The following OR51E1 variants were observed in gnomAD, a reference collection of about 807,000 sequenced individuals.
The protein encoded by OR51E1 is olfactory receptor 51E1.
A neutral mutation model predicts 11.5 loss-of-function variants in OR51E1; 9 were observed. The ratio of observed to expected loss-of-function variants is 0.78; its 90% CI spans 0.47 to 1.37. The LOEUF is 1.37. Among genes scored for constraint, OR51E1 ranks in the 40% most tolerant of loss-of-function variants. The probability of loss-of-function intolerance (pLI) is 0.00; values close to 1 mark genes in which losing one functional copy is unlikely to be tolerated. For missense variants in OR51E1, 397 were observed against 410.2 expected, an observed-to-expected ratio of 0.97 and a Z score of 0.28; for synonymous variants, 168 against 158.3, an observed-to-expected ratio of 1.06 and a Z score of -0.46.
At chr11:4,649,605 T>C (rs950806506) in intron 1 of OR51E1, among the ~76,000 whole-genome samples, 1 of 152,094 alleles carries the variant, frequency 6.6e-6, no homozygotes, top group Admixed American at 6.5e-5. Context: ...TTCAAGGGTA[T>C]TTTTTAAAAT....
intron 1 of OR51E1, among the ~76,000 whole-genome samples, chr11:4,646,458 T>A (rs1847031653): frequency 6.6e-6 from 1 of 152,198 alleles, no homozygotes. Flanking sequence ...GGGCAGTAGC[T>A]TGGCCTACTG....
chr11:4,655,334 A>G lies in OR51E1; in HGVS notation c.*1851A>G, dbSNP rs1463811554. The G allele has an allele frequency of 1.8e-5, 3 of 167,108 alleles. No individual in the cohort carries two copies. Among genetic ancestry groups the G allele is most frequent in the Non-Finnish European group, 2.9e-5 (2 of 68,130 alleles). 10.4% of individuals were successfully genotyped at this position (167,108 alleles called of 1,614,324 possible). On this transcript the variant is annotated 3_prime_UTR_variant, in exon 2 of 2. Transcript: ENST00000396952. ...ATGTTGACATTAAATGTGACTTGGG[A>G]AGCTATGTGTTACACAGAGTAAATC...
Position 4,653,078 on chromosome 11 carries a change from C to G in OR51E1, c.552C>G (p.His184Gln). 7 of 1,614,086 alleles carry G rather than the reference C, an allele frequency of 4.3e-6. No homozygotes were observed. Among genetic ancestry groups the G allele is most frequent in the Non-Finnish European group, 5.9e-6 (7 of 1,179,946 alleles). Residue 184 changes from histidine to glutamine, a missense_variant, in exon 2 of 2, where the codon CAC (histidine) becomes CAG (glutamine). By Grantham distance (24) the His-to-Gln change is conservative. Coordinates refer to ENST00000396952, the MANE Select transcript of OR51E1 (RefSeq NM_152430.4). ...TCCTTTCCCATTCCTACTGCCTACA[C>G]CAAGATGTCATGAAGCTGGCCTGTG... Reference protein sequence around the residue: ...SNILSHSYCLHQDVMKLACDD... With the variant: ...SNILSHSYCLQQDVMKLACDD...
chr11:4,649,655 G>A (rs952099925), intron 1 of OR51E1, among the ~76,000 whole-genome samples: 3 of 152,160 alleles, frequency 2.0e-5, no homozygotes, highest in Non-Finnish European at 4.4e-5. Flanking sequence ...AGATTGTTGG[G>A]ACTTTGTGGA....
intron 1 of OR51E1, among the ~76,000 whole-genome samples, chr11:4,645,304 A>G (rs567261056): frequency 1.3e-5 from 2 of 152,262 alleles, no homozygotes. Flanking sequence ...CCACCCCATT[A>G]ACTGCCTGTG....
At position 4,649,166 on chromosome 11, in the gene OR51E1, G is replaced by A. The variant is rs552440967; in HGVS notation, c.-39-3322G>A. Among the ~76,000 whole-genome samples the A allele has an allele frequency of 1.5e-4, 23 of 152,040 alleles. 1 individual carries two copies. In the East Asian group the frequency reaches 1.9e-3, roughly 13 times the overall value. ...GGTGTTCAGGAGCTCATAATTCAGG[G>A]GAAAATATAGCAATAATTATAGTTA... is the stretch of plus-strand genomic sequence containing the variant. On this transcript the variant is annotated intron_variant, in intron 1 of 1. Coordinates refer to ENST00000396952, the MANE Select transcript of OR51E1 (RefSeq NM_152430.4).
In OR51E1 at chr11:4,653,050, A is replaced by G; in HGVS notation, c.524A>G (p.Asn175Ser). ...AAGCAGCTGCCCTTCTGCCGCTCCA[A>G]TATCCTTTCCCATTCCTACTGCCTA... is the stretch of plus-strand genomic sequence containing the variant. Reference protein sequence around the residue: ...FIKQLPFCRSNILSHSYCLHQ... With the variant: ...FIKQLPFCRSSILSHSYCLHQ... The change falls in exon 2 of 2, where the codon AAT becomes AGT. Residue 175 changes from asparagine (N) to serine (S), a missense_variant. Coordinates refer to ENST00000396952, the MANE Select transcript of OR51E1 (RefSeq NM_152430.4). 3 of 1,613,510 alleles carry G rather than the reference A, an allele frequency of 1.9e-6. No individual in the cohort carries two copies. Among genetic ancestry groups the G allele is most frequent in the Non-Finnish European group, 2.5e-6 (3 of 1,179,656 alleles).
intron 1 of OR51E1, among the ~76,000 whole-genome samples, chr11:4,644,424 A>T (rs568693571): frequency 6.6e-6 from 1 of 151,990 alleles, no homozygotes; most frequent in East Asian, 1.9e-4. Context: ...GTTGAAGCTC[A>T]GTCTATGACT....
In OR51E1 at chr11:4,653,684, TACCCTG is replaced by T. The variant is rs1847134830; in HGVS notation, c.*204_*209del. ...TTTTCTTGCTACATATAATTATTAATACCCTGACTAGGTTGTGGTTGGAGGGTTATT... is the reference window on the plus strand; with the variant it reads ...TTTTCTTGCTACATATAATTATTAATACTAGGTTGTGGTTGGAGGGTTATT... On this transcript the variant is annotated 3_prime_UTR_variant, in exon 2 of 2. Coordinates refer to ENST00000396952, the MANE Select transcript of OR51E1 (RefSeq NM_152430.4). 5 of 519,150 alleles carry T rather than the reference TACCCTG, an allele frequency of 9.6e-6. No individual in the cohort carries two copies. In the South Asian group the frequency reaches 1.4e-4, roughly 15 times the overall value. 32.2% of individuals were successfully genotyped at this position (519,150 alleles called of 1,614,324 possible).
In OR51E1 at chr11:4,652,728, A is replaced by G. The variant is rs761905540; in HGVS notation, c.202A>G (p.Met68Val). The change falls in exon 2 of 2, where the codon ATG becomes GTG. Residue 68 changes from methionine to valine, a missense_variant. Coordinates refer to ENST00000396952, the MANE Select transcript of OR51E1 (RefSeq NM_152430.4). ...LHEPMYIFLC[M>V]LSGIDILIST... ...TGAGCCCATGTATATATTTCTTTGC[A>G]TGCTTTCAGGCATTGACATCCTCAT... is the stretch of plus-strand genomic sequence containing the variant. The G allele has an allele frequency of 3.1e-6, 5 of 1,614,036 alleles. No homozygotes were observed. Among genetic ancestry groups the G allele is most frequent in the African/African-American group, 1.3e-5 (1 of 74,922 alleles).
intron 1 of OR51E1, among the ~76,000 whole-genome samples, chr11:4,649,371 A>C (rs1411398584): frequency 6.6e-6 from 1 of 152,114 alleles, no homozygotes; most frequent in Non-Finnish European, 1.5e-5. Context: ...ATCTGGGAGG[A>C]ACAGTTTTTC....
rs549241325 is a variant in OR51E1, at chr11:4,653,004, G to T, written c.478G>T (p.Ala160Ser). The T allele has an allele frequency of 6.2e-7, 1 of 1,605,636 alleles. No individual in the cohort carries two copies. Among genetic ancestry groups the T allele is most frequent in the African/African-American group, 1.3e-5 (1 of 74,954 alleles). ...AAVVRGAALM[A>S]PLPVFIKQLP... is the part of the protein sequence containing the mutation. ...TGTGGTGCGGGGGGCTGCACTGATG[G>T]CACCCCTTCCTGTCTTCATCAAGCA... Residue 160 changes from alanine (A) to serine (S), a missense_variant, in exon 2 of 2, where the codon GCA becomes TCA. By Grantham distance (99) the Ala-to-Ser change is moderately conservative. Transcript: ENST00000396952.
At chr11:4,650,125 A>G (rs1373810442) in intron 1 of OR51E1, among the ~76,000 whole-genome samples, 3 of 152,200 alleles carry the variant, frequency 2.0e-5, no homozygotes, top group Non-Finnish European at 2.9e-5. Context: ...CGAATTATGA[A>G]CCTGGATTAC....
chr11:4,648,385 C>A (rs1847054108), intron 1 of OR51E1, among the ~76,000 whole-genome samples: 1 of 152,164 alleles, frequency 6.6e-6, no homozygotes, highest in African/African-American at 2.4e-5. Flanking sequence ...TTTTCAGAGA[C>A]CTTGTTGCCC....
chr11:4,648,018 G>C (rs1011477350), intron 1 of OR51E1, among the ~76,000 whole-genome samples: 4 of 152,078 alleles, frequency 2.6e-5, no homozygotes, highest in African/African-American at 9.7e-5. Context: ...TCTCGTGGAG[G>C]GACTGTTGAA....
In OR51E1 at chr11:4,653,487, T is replaced by A. The variant is rs772759388; in HGVS notation, c.*4T>A. The A allele has an allele frequency of 3.2e-6, 5 of 1,540,602 alleles. 1 individual carries two copies. The South Asian group carries it at 5.8e-5, about 18-fold the overall frequency. ...CACACACGCTTCAGAGCCCTAGGTG[T>A]CAGTGATCAAACTTCTTTTCCATTC... On this transcript the variant is annotated 3_prime_UTR_variant, in exon 2 of 2. Coordinates refer to ENST00000396952, the MANE Select transcript of OR51E1 (RefSeq NM_152430.4).
At chr11:4,645,731 G>A (rs1170982636) in intron 1 of OR51E1, among the ~76,000 whole-genome samples, 1 of 152,132 alleles carries the variant, frequency 6.6e-6, no homozygotes, top group African/African-American at 2.4e-5. Context: ...CTCAGGAAGT[G>A]GAGGAGCAGA....
intron 1 of OR51E1, among the ~76,000 whole-genome samples, chr11:4,649,309 A>G (rs1205645222): frequency 6.6e-6 from 1 of 152,192 alleles, no homozygotes; most frequent in African/African-American, 2.4e-5. Context: ...AGTATAGGAG[A>G]GAGACAGTAA....
rs1589862570 is a variant in OR51E1, at chr11:4,652,777, T to C, written c.251T>C (p.Met84Thr). ...ATCTCCACCTCATCCATGCCCAAAA[T>C]GCTGGCCATCTTCTGGTTCAATTCC... ...ILISTSSMPKMLAIFWFNSTT... is the reference protein window; with the variant it reads ...ILISTSSMPKTLAIFWFNSTT... Residue 84 changes from methionine to threonine, a missense_variant, in exon 2 of 2, where the codon ATG (methionine) becomes ACG (threonine). Met to Thr is a moderately conservative substitution (Grantham distance 81, BLOSUM62 -1). Coordinates refer to ENST00000396952, the MANE Select transcript of OR51E1 (RefSeq NM_152430.4). 2 of 1,614,230 alleles carry C rather than the reference T, an allele frequency of 1.2e-6. No homozygotes were observed. Among genetic ancestry groups the C allele is most frequent in the East Asian group, 4.5e-5 (2 of 44,884 alleles).
Sources: allele counts gnomAD v4.1 joint callset (sites outside exome capture counted in the v4.1 genomes callset), GRCh38; gene constraint gnomAD v4.1.1; transcripts MANE v1.5; gene names NCBI Gene and HGNC (gene_info 2026-07-23, HGNC 2026-07-21).